CCL22: variants seen among roughly 807,000 people sequenced by gnomAD.
CCL22 encodes the protein C-C motif chemokine 22.
A neutral mutation model predicts 7.6 loss-of-function variants in CCL22; 7 were observed. That is an observed-to-expected ratio of 0.92 (90% CI 0.52 to 1.72). CCL22 has a LOEUF of 1.72. CCL22 is among the 40% of genes most tolerant of loss of function. The probability of loss-of-function intolerance (pLI) is 0.00; values close to 1 mark genes in which losing one functional copy is unlikely to be tolerated. For synonymous variants in CCL22, 55 were observed against 47.2 expected, an observed-to-expected ratio of 1.17 and a Z score of -0.68; for missense variants, 115 against 124.7, an observed-to-expected ratio of 0.92 and a Z score of 0.37.
Position 57,363,461 on chromosome 16 carries a change from G to A in CCL22, c.198-43G>A, listed in dbSNP as rs185832277. 7,912 of 1,328,498 alleles carry A rather than the reference G, an allele frequency of 6.0e-3. 30 individuals are homozygous for A. Among genetic ancestry groups the A allele is most frequent in the Non-Finnish European group, 7.6e-3 (6,996 of 921,128 alleles). The allele number at this position is 1,328,498 out of a possible 1,614,324, so 82.3% of individuals were successfully genotyped here. Reference sequence around the variant, plus strand: ...CCCGAGGGTGTGGCATCCTTGCTGCGTGCTAATGTTGCTGCATTGTCTCTG... The same window carrying A: ...CCCGAGGGTGTGGCATCCTTGCTGCATGCTAATGTTGCTGCATTGTCTCTG... On this transcript the variant is annotated intron_variant, in intron 2 of 2. Coordinates refer to ENST00000219235, the MANE Select transcript of CCL22 (RefSeq NM_002990.5).
At chr16:57,359,279 C>G (rs1228458332) in intron 1 of CCL22, among the ~76,000 whole-genome samples, 1 of 152,018 alleles carries the variant, frequency 6.6e-6, no homozygotes, top group Non-Finnish European at 1.5e-5. Flanking sequence ...TCCCACCATC[C>G]ATTTTTTAAA....
At position 57,365,395 on chromosome 16, in the gene CCL22, T is replaced by C. The variant is rs1325915845; in HGVS notation, c.*1807T>C. 1 of 152,192 alleles carries C rather than the reference T, an allele frequency of 6.6e-6. No homozygotes were observed. Among genetic ancestry groups the C allele is most frequent in the East Asian group, 1.9e-4 (1 of 5,190 alleles). The allele number at this position is 152,192 out of a possible 1,614,324, so 9.4% of individuals were successfully genotyped here. On this transcript the variant is annotated 3_prime_UTR_variant, in exon 3 of 3. Coordinates refer to ENST00000219235, the MANE Select transcript of CCL22 (RefSeq NM_002990.5). Reference sequence around the variant, plus strand: ...GTAAATACTTAAGAGGCCAAATAGATGAATGGAAGAATTTTAGGAACTGTG... The same window carrying C: ...GTAAATACTTAAGAGGCCAAATAGACGAATGGAAGAATTTTAGGAACTGTG...
Position 57,363,520 on chromosome 16 carries a change from G to T in CCL22, c.214G>T (p.Asp72Tyr), listed in dbSNP as rs752543853. The T allele has an allele frequency of 3.1e-6, 5 of 1,612,978 alleles. No homozygotes were observed. The highest frequency in any genetic ancestry group is 4.2e-6 in the Non-Finnish European group (5 of 1,179,200). Residue 72 changes from aspartate (D) to tyrosine (Y), a missense_variant, in exon 3 of 3, where the codon GAT becomes TAT. By Grantham distance (160) the Asp-to-Tyr change is radical (BLOSUM62 -3). Coordinates refer to ENST00000219235, the MANE Select transcript of CCL22 (RefSeq NM_002990.5). ...TTCTTCCAGGTTGCTAACCTTCAGG[G>T]ATAAGGAGATCTGTGCCGATCCCAG... ...RPGVVLLTFR[D>Y]KEICADPRVP...
chr16:57,358,940 G>A, intron 1 of CCL22, 51 bp downstream of exon 1: 2 of 1,389,536 alleles, frequency 1.4e-6, no homozygotes, highest in Non-Finnish European at 2.0e-6. Flanking sequence ...GCAGACGGTG[G>A]GGTGTCTTCC....
In CCL22 at chr16:57,360,444, C is replaced by A; in HGVS notation, c.81C>A (p.Tyr27Ter). The A allele has an allele frequency of 1.2e-6, 2 of 1,614,164 alleles. No individual in the cohort carries two copies. Among genetic ancestry groups the A allele is most frequent in the Non-Finnish European group, 8.5e-7 (1 of 1,180,020 alleles). The stretch of plus-strand genomic sequence containing the variant: ...TGGGGACCCCTCCCCTAGGCCCCTA[C>A]GGCGCCAACATGGAAGACAGCGTCT... ...VALQATEAGP[Y>*]GANMEDSVCC... Residue 27 changes from tyrosine to a stop codon, truncating the protein, a stop_gained, in exon 2 of 3, where the codon TAC (tyrosine) becomes TAA (stop). Transcript: ENST00000219235. LOFTEE classifies it high-confidence loss of function.
chr16:57,358,107 TGAGA>T (rs1567548785), upstream of CCL22, among the ~76,000 whole-genome samples: 2 of 152,138 alleles, frequency 1.3e-5, no homozygotes, highest in Admixed American at 6.5e-5. Context: ...GGAGCAGATC[TGAGA>T]GAGATTTAGG....
Position 57,360,528 on chromosome 16 carries a change from G to A in CCL22, c.165G>A (p.Trp55Ter), listed in dbSNP as rs200292277. 1.2e-6 allele frequency: 2 copies of A among 1,614,180 alleles called. No homozygotes were observed. Among genetic ancestry groups the A allele is most frequent in the Non-Finnish European group, 1.7e-6 (2 of 1,180,028 alleles). Reference sequence around the variant, plus strand: ...TGCGCGTGGTGAAACACTTCTACTGGACCTCAGACTCCTGCCCGAGGCCTG... The same window carrying A: ...TGCGCGTGGTGAAACACTTCTACTGAACCTCAGACTCCTGCCCGAGGCCTG... ...LPLRVVKHFY[W>*]TSDSCPRPGV... The change falls in exon 2 of 3, where the codon TGG becomes TGA. Residue 55 changes from tryptophan to a stop codon, truncating the protein, a stop_gained. Coordinates refer to ENST00000219235, the MANE Select transcript of CCL22 (RefSeq NM_002990.5). LOFTEE classifies it low-confidence loss of function (END_TRUNC).
Position 57,363,678 on chromosome 16 carries a change from G to T in CCL22, c.*90G>T. On this transcript the variant is annotated 3_prime_UTR_variant, in exon 3 of 3. Coordinates refer to ENST00000219235, the MANE Select transcript of CCL22 (RefSeq NM_002990.5). The stretch of plus-strand genomic sequence containing the variant: ...CCATTATAGCTGCTCCCCGCCAGAA[G>T]CCTGTGCCAACTCTCTGCATTCCCT... The T allele has an allele frequency of 1.2e-6, 1 of 805,780 alleles. No individual in the cohort carries two copies. 49.9% of individuals were successfully genotyped at this position (805,780 alleles called of 1,614,324 possible). A position where few individuals can be genotyped will look rare whatever the true frequency, so the allele number is the denominator to read the frequency against.
rs1437292819 is a variant in CCL22 at position 57,365,065 on chromosome 16, G to T, written c.*1477G>T. ...GATCCACCTTCCTTGTGCTCCCAAA[G>T]TGCTGAGATTACAGGCGTGAGCTAT... On this transcript the variant is annotated 3_prime_UTR_variant, in exon 3 of 3. Coordinates refer to ENST00000219235, the MANE Select transcript of CCL22 (RefSeq NM_002990.5). The T allele has an allele frequency of 2.6e-5, 4 of 152,382 alleles. No individual in the cohort carries two copies. The highest frequency in any genetic ancestry group is 9.6e-5 in the African/African-American group (4 of 41,536). The allele number at this position is 152,382 out of a possible 1,614,324, so 9.4% of individuals were successfully genotyped here.
chr16:57,358,528 G>T (rs1371918639), upstream of CCL22, among the ~76,000 whole-genome samples: 3 of 152,236 alleles, frequency 2.0e-5, no homozygotes, highest in African/African-American at 4.8e-5. Context: ...AGAGACCCTG[G>T]GGAGCACAAG....
rs775459835 is a variant in CCL22, at chr16:57,363,608, G to C, written c.*20G>C. On this transcript the variant is annotated 3_prime_UTR_variant, in exon 3 of 3. Transcript: ENST00000219235. The stretch of plus-strand genomic sequence containing the variant: ...CAATGAAGAGCCTACTCTGATGACC[G>C]TGGCCTTGGCTCCTCCAGGAAGGCT... The C allele has an allele frequency of 6.4e-7, 1 of 1,564,350 alleles. No individual in the cohort carries two copies. Among genetic ancestry groups the C allele is most frequent in the African/African-American group, 1.4e-5 (1 of 73,990 alleles).
At position 57,365,833 on chromosome 16, in the gene CCL22, C is replaced by G. The variant is rs1167398484; in HGVS notation, c.*2245C>G. 6.6e-6 allele frequency: 1 copy of G among 152,244 alleles called. No homozygotes were observed. The highest frequency in any genetic ancestry group is 1.5e-5 in the Non-Finnish European group (1 of 68,076). 9.4% of individuals were successfully genotyped at this position (152,244 alleles called of 1,614,324 possible). ...GACATAAATGTTACAAGTGTCTGGT[C>G]CTTTCTGAGGGAGGCTGGTGCCGCT... On this transcript the variant is annotated 3_prime_UTR_variant, in exon 3 of 3. Transcript: ENST00000219235.
rs1902085893 is a variant in CCL22, at chr16:57,364,685, G to T, written c.*1097G>T. The T allele has an allele frequency of 6.6e-6, 1 of 151,632 alleles. No individual in the cohort carries two copies. The highest frequency in any genetic ancestry group is 2.4e-5 in the African/African-American group (1 of 41,198). 9.4% of individuals were successfully genotyped at this position (151,632 alleles called of 1,614,324 possible). On this transcript the variant is annotated 3_prime_UTR_variant, in exon 3 of 3. Coordinates refer to ENST00000219235, the MANE Select transcript of CCL22 (RefSeq NM_002990.5). Reference sequence around the variant, plus strand: ...GTAGAGACGAGGCTTCACCATGTTGGCCAGGCTGGTCTCGAACTCCTGTCC... The same window carrying T: ...GTAGAGACGAGGCTTCACCATGTTGTCCAGGCTGGTCTCGAACTCCTGTCC...
rs1225423605 is a variant in CCL22 at position 57,365,912 on chromosome 16, C to G, written c.*2324C>G. On this transcript the variant is annotated 3_prime_UTR_variant, in exon 3 of 3. Coordinates refer to ENST00000219235, the MANE Select transcript of CCL22 (RefSeq NM_002990.5). ...GAGGAGGCCATTTCACTCCCTGAAC[C>G]CAGCCTGACAAATCACAGTGAGAAT... The G allele has an allele frequency of 6.6e-6, 1 of 152,256 alleles. No homozygotes were observed. Among genetic ancestry groups the G allele is most frequent in the Non-Finnish European group, 1.5e-5 (1 of 68,084 alleles). The allele number at this position is 152,256 out of a possible 1,614,324, so 9.4% of individuals were successfully genotyped here.
intron 2 of CCL22, 91 bp downstream of exon 2, chr16:57,360,651 G>A: frequency 6.8e-7 from 1 of 1,466,222 alleles, no homozygotes; most frequent in Non-Finnish European, 9.4e-7. Context: ...ACACACCCAG[G>A]GATGAGAGGA....
At chr16:57,361,704 C>A (rs1314603037) in intron 2 of CCL22, among the ~76,000 whole-genome samples, 2 of 152,218 alleles carry the variant, frequency 1.3e-5, no homozygotes, top group African/African-American at 4.8e-5. Flanking sequence ...TCTCTGGCTG[C>A]TTCTCCAACT....
Position 57,364,791 on chromosome 16 carries a change from CCA to C in CCL22, c.*1205_*1206del, listed in dbSNP as rs1476907240. 1 of 13,374 alleles carries C rather than the reference CCA, an allele frequency of 7.5e-5. No homozygotes were observed. Among genetic ancestry groups the C allele is most frequent in the African/African-American group, 1.6e-4 (1 of 6,126 alleles). The allele number at this position is 13,374 out of a possible 1,614,324, so 0.8% of individuals were successfully genotyped here. A position where few individuals can be genotyped will look rare whatever the true frequency, so the allele number is the denominator to read the frequency against. On this transcript the variant is annotated 3_prime_UTR_variant, in exon 3 of 3. Transcript: ENST00000219235. ...ACAGTGCCTGGCCTCTTCCCTCTCC[CCA>C]CCCCCCCCCCAACTTTTTTTTTTTT...
At position 57,363,672 on chromosome 16, in the gene CCL22, C is replaced by T. The variant is rs963363313; in HGVS notation, c.*84C>T. The T allele has an allele frequency of 1.1e-5, 9 of 838,384 alleles. No homozygotes were observed. The highest frequency in any genetic ancestry group is 1.9e-5 in the Admixed American group (1 of 53,774). The allele number at this position is 838,384 out of a possible 1,614,324, so 51.9% of individuals were successfully genotyped here. A position where few individuals can be genotyped will look rare whatever the true frequency, so the allele number is the denominator to read the frequency against. On this transcript the variant is annotated 3_prime_UTR_variant, in exon 3 of 3. Transcript: ENST00000219235. ...TCCCTGCCATTATAGCTGCTCCCCG[C>T]CAGAAGCCTGTGCCAACTCTCTGCA...
intron 2 of CCL22, among the ~76,000 whole-genome samples, chr16:57,360,930 A>G (rs980892456): frequency 1.3e-5 from 2 of 151,980 alleles, no homozygotes; most frequent in Non-Finnish European, 2.9e-5. Flanking sequence ...ACCTAGTGCC[A>G]CTGAGTCAGC....
Sources: allele counts gnomAD v4.1 joint callset (sites outside exome capture counted in the v4.1 genomes callset), GRCh38; gene constraint gnomAD v4.1.1; transcripts MANE v1.5; gene names NCBI Gene and HGNC (gene_info 2026-07-23, HGNC 2026-07-21).